The following ZCCHC24 variants were observed in gnomAD, a reference collection of about 807,000 sequenced individuals.
ZCCHC24 encodes the protein zinc finger CCHC-type containing 24.
ZCCHC24 carries 10 observed loss-of-function variants against 26.2 expected under a neutral mutation model. That is an observed-to-expected ratio of 0.38 (90% confidence interval 0.24 to 0.65). ZCCHC24 has a LOEUF of 0.65. Ranked by LOEUF, ZCCHC24 falls within the 30% of genes least tolerant of loss-of-function variation. The pLI, the probability that ZCCHC24 is intolerant of heterozygous loss-of-function variation, is 0.54. For synonymous variants in ZCCHC24, 144 were observed against 147.1 expected (o/e 0.98, Z 0.15); for missense variants, 243 against 329.1 (o/e 0.74, Z 2.03).
rs77902475 is a variant in ZCCHC24, at chr10:79,408,543, G to C, written c.448-14103C>G. 6.3e-3 allele frequency among the ~76,000 whole-genome samples: 967 copies of C among 152,284 alleles called. 7 individuals are homozygous for C. The highest frequency in any genetic ancestry group is 0.011 in the Non-Finnish European group (760 of 68,020). On this transcript the variant is annotated intron_variant, in intron 2 of 3. Transcript: ENST00000372336. ...TAGGCACCCACAAGGCACTGGAGGA[G>C]GGTGGTTAACAAGACAGATGCAACC... is the stretch of plus-strand genomic sequence containing the variant.
Position 79,386,466 on chromosome 10 carries a change from G to A in ZCCHC24, c.613-8C>T, listed in dbSNP as rs1374712844. The stretch of plus-strand genomic sequence containing the variant: ...GGGCTTCTCCAGGGGTCTCTGCAGA[G>A]AGAAGGAGGAAGGGGCCCAGGGGAG... On this transcript the variant is annotated splice_region_variant and splice_polypyrimidine_tract_variant and intron_variant, in intron 3 of 3. Transcript: ENST00000372336. 3 of 1,585,310 alleles carry A rather than the reference G, an allele frequency of 1.9e-6. No homozygotes were observed. The highest frequency in any genetic ancestry group is 1.7e-5 in the Admixed American group (1 of 58,370).
intron 2 of ZCCHC24, among the ~76,000 whole-genome samples, chr10:79,420,751 C>T (rs967761720): frequency 6.6e-6 from 1 of 151,958 alleles, no homozygotes; most frequent in African/African-American, 2.4e-5. Context: ...GCAGCCTGGG[C>T]AACAGAGCAA....
intron 2 of ZCCHC24, among the ~76,000 whole-genome samples, chr10:79,401,842 A>G (rs1301729263): frequency 1.3e-5 from 2 of 152,208 alleles, no homozygotes; most frequent in Non-Finnish European, 2.9e-5. Context: ...GGAGGAAATA[A>G]AGAACAGATG....
intron 2 of ZCCHC24, among the ~76,000 whole-genome samples, chr10:79,429,411 A>G (rs1490107441): frequency 6.6e-6 from 1 of 152,028 alleles, no homozygotes; most frequent in Non-Finnish European, 1.5e-5. Context: ...GTGAAACCCC[A>G]TCTGTATTAA....
rs192085364 is a variant in ZCCHC24, at chr10:79,416,562, C to T, written c.447+15996G>A. Reference sequence around the variant, plus strand: ...CCCTTGGCTCCTGTGTGACTCTGGGCGAATCCCTTGACGTCTCTGAAGACA... The same window carrying T: ...CCCTTGGCTCCTGTGTGACTCTGGGTGAATCCCTTGACGTCTCTGAAGACA... On this transcript the variant is annotated intron_variant, in intron 2 of 3. Transcript: ENST00000372336. Among the ~76,000 whole-genome samples, 515 of 152,310 alleles carry T rather than the reference C, an allele frequency of 3.4e-3. 3 individuals carry two copies. Among genetic ancestry groups the T allele is most frequent in the Non-Finnish European group, 6.1e-3 (417 of 68,032 alleles).
chr10:79,421,411 GT>G (rs1026975345), intron 2 of ZCCHC24, among the ~76,000 whole-genome samples: 2 of 141,558 alleles, frequency 1.4e-5, no homozygotes, highest in African/African-American at 5.3e-5. Flanking sequence ...GATGCTGTCT[GT>G]CCTCCCTCTT....
At chr10:79,402,045 G>C (rs1220639110) in intron 2 of ZCCHC24, among the ~76,000 whole-genome samples, 1 of 152,222 alleles carries the variant, frequency 6.6e-6, no homozygotes, top group Non-Finnish European at 1.5e-5. Flanking sequence ...TCCACAGAGG[G>C]GGCGCAGGGC....
chr10:79,407,701 G>A (rs1175101722), intron 2 of ZCCHC24, among the ~76,000 whole-genome samples: 1 of 152,208 alleles, frequency 6.6e-6, no homozygotes, highest in East Asian at 1.9e-4. Flanking sequence ...CCAGGAAACT[G>A]AGGCACAGAG....
intron 2 of ZCCHC24, among the ~76,000 whole-genome samples, chr10:79,418,617 C>T (rs1856896367): frequency 6.6e-6 from 1 of 152,198 alleles, no homozygotes. Context: ...AAGGCCATAG[C>T]ACAGGTGGAG....
At position 79,403,430 on chromosome 10, in the gene ZCCHC24, C is replaced by T. The variant is rs540728274; in HGVS notation, c.448-8990G>A. 24 of 985,490 alleles carry T rather than the reference C, an allele frequency of 2.4e-5. No individual in the cohort carries two copies. In the South Asian group the frequency reaches 7.5e-4, roughly 31 times the overall value. The allele number at this position is 985,490 out of a possible 1,614,324, so 61.0% of individuals were successfully genotyped here. A position where few individuals can be genotyped will look rare whatever the true frequency, so the allele number is the denominator to read the frequency against. Reference sequence around the variant, plus strand: ...AAAGACCTCCACACTCACATGTCCACATGCACGGCCGGGGGAGGCAGGTGG... The same window carrying T: ...AAAGACCTCCACACTCACATGTCCATATGCACGGCCGGGGGAGGCAGGTGG... On this transcript the variant is annotated intron_variant, in intron 2 of 3. Coordinates refer to ENST00000372336, the MANE Select transcript of ZCCHC24 (RefSeq NM_153367.4).
rs1393115290 is a variant in ZCCHC24 at position 79,432,880 on chromosome 10, A to G, written c.247-122T>C. ...CAGCTACCCGAGGGCTCTGGGCTCC[A>G]GAAGCCTGAGTTCAAATCCTAACTA... On this transcript the variant is annotated intron_variant, in intron 1 of 3. Coordinates refer to ENST00000372336, the MANE Select transcript of ZCCHC24 (RefSeq NM_153367.4). 10 of 1,092,080 alleles carry G rather than the reference A, an allele frequency of 9.2e-6. No homozygotes were observed. The East Asian group carries it at 2.8e-4, about 31-fold the overall frequency. 67.6% of individuals were successfully genotyped at this position (1,092,080 alleles called of 1,614,324 possible).
intron 1 of ZCCHC24, among the ~76,000 whole-genome samples, chr10:79,440,093 GCCA>G (rs1215798343): frequency 1.3e-5 from 2 of 149,948 alleles, no homozygotes; most frequent in Non-Finnish European, 3.0e-5. Flanking sequence ...AGAATCACAT[GCCA>G]CCACCACCAC....
intron 2 of ZCCHC24, among the ~76,000 whole-genome samples, chr10:79,413,296 A>G (rs1011485054): frequency 6.6e-6 from 1 of 152,230 alleles, no homozygotes; most frequent in Non-Finnish European, 1.5e-5. Flanking sequence ...TTTCAAGGTC[A>G]CACAGTGAGT....
rs2132178028 is a variant in ZCCHC24, at chr10:79,394,288, A to G, written c.600T>C (p.Tyr200=). ...QECIKCHINV[Y]PHKQRPLEKP... is the part of the protein sequence containing the mutation. ...CTGCCCGGCTCACCTGCTTGTGTGGATACACGTTGATGTGGCACTTGATGC... is the reference window on the plus strand; with the variant it reads ...CTGCCCGGCTCACCTGCTTGTGTGGGTACACGTTGATGTGGCACTTGATGC... The change falls in exon 3 of 4, where the codon TAT becomes TAC. Residue 200 remains tyrosine (Y), a synonymous_variant. Transcript: ENST00000372336. The G allele has an allele frequency of 1.9e-6, 3 of 1,613,892 alleles. No homozygotes were observed. The highest frequency in any genetic ancestry group is 2.5e-6 in the Non-Finnish European group (3 of 1,179,898).
At chr10:79,403,474 G>A in intron 2 of ZCCHC24, 1 of 985,450 alleles carries the variant, frequency 1.0e-6, no homozygotes, top group African/African-American at 1.7e-5. Flanking sequence ...CGTCCCTGCA[G>A]CCTGGTCTGG....
intron 2 of ZCCHC24, among the ~76,000 whole-genome samples, chr10:79,398,749 G>T (rs1169609122): frequency 6.6e-6 from 1 of 152,212 alleles, no homozygotes; most frequent in Non-Finnish European, 1.5e-5. Flanking sequence ...ACTGGCATTT[G>T]TGTGGCACCA....
intron 2 of ZCCHC24, among the ~76,000 whole-genome samples, chr10:79,419,385 C>T (rs1856909890): frequency 2.6e-5 from 4 of 152,168 alleles, no homozygotes; most frequent in Admixed American, 6.5e-5. Flanking sequence ...GGCAACACGG[C>T]GAAGGACACA....
At chr10:79,403,377 C>T in intron 2 of ZCCHC24, 1 of 985,396 alleles carries the variant, frequency 1.0e-6, no homozygotes, top group Non-Finnish European at 1.2e-6. Context: ...CCCCTCTGTG[C>T]TCTGTGGTAC....
chr10:79,432,751 C>T lies in ZCCHC24; in HGVS notation c.254G>A (p.Ser85Asn), dbSNP rs765657415. ...FFQLQRGEAL[S>N]NSVYKGASPY... ...TGAGGCGCCCTTGTACACACTGTTG[C>T]TCAGCGCCTGTGGGAGACAGAGGCA... is the stretch of plus-strand genomic sequence containing the variant. Residue 85 changes from serine (S) to asparagine (N), a missense_variant, in exon 2 of 4, where the codon AGC becomes AAC. Transcript: ENST00000372336. 12 of 1,608,104 alleles carry T rather than the reference C, an allele frequency of 7.5e-6. No homozygotes were observed. The highest frequency in any genetic ancestry group is 9.3e-6 in the Non-Finnish European group (11 of 1,177,958).
Sources: allele counts gnomAD v4.1 joint callset (sites outside exome capture counted in the v4.1 genomes callset), GRCh38; gene constraint gnomAD v4.1.1; transcripts MANE v1.5; gene names NCBI Gene and HGNC (gene_info 2026-07-23, HGNC 2026-07-21).